The following ZNF469 variants were observed in gnomAD, a reference collection of about 807,000 sequenced individuals.
ZNF469 encodes zinc finger protein 469.
Under a neutral mutation model 1.0 loss-of-function variants are expected in ZNF469, and 1 was observed. The ratio of observed to expected loss-of-function variants is 1.00; its 90% CI spans 0.35 to 4.73. ZNF469 has a LOEUF of 4.73. Ranked by LOEUF, ZNF469 falls within the 30% of genes most tolerant of loss-of-function variation. The probability of loss-of-function intolerance (pLI) is 0.16; values close to 1 mark genes in which losing one functional copy is unlikely to be tolerated. For missense variants in ZNF469, 6,100 were observed against 5,356.3 expected (o/e 1.14, Z -4.33); for synonymous variants, 2,703 against 2,363.4 (o/e 1.14, Z -4.17).
chr16:88,122,948 T>TCCTCCTGCCTCTG, the ZNF469 span, among the ~76,000 whole-genome samples: 34,480 of 151,500 alleles, frequency 0.23, 5,885 homozygotes, highest in African/African-American at 0.48. Context: ...GTTCAAGTGA[T>TCCTCCTGCCTCTG]CCTCCAGAAT....
In ZNF469 at chr16:88,436,508, T is replaced by A; in HGVS notation, c.9038T>A (p.Leu3013His). The change falls in exon 3 of 3, where the codon CTC (leucine) becomes CAC (histidine). Residue 3013 changes from leucine to histidine, a missense_variant. By Grantham distance (99) the Leu-to-His change is moderately conservative. Coordinates refer to ENST00000565624, the MANE Select transcript of ZNF469 (RefSeq NM_001367624.2). ...PAPADDSSSS[L>H]GDVSPEPPSL... Reference sequence around the variant, plus strand: ...CCTGCCGATGACTCCTCCTCTTCTCTCGGAGATGTGAGCCCCGAGCCCCCC... The same window carrying A: ...CCTGCCGATGACTCCTCCTCTTCTCACGGAGATGTGAGCCCCGAGCCCCCC... The A allele has an allele frequency of 6.5e-7, 1 of 1,548,566 alleles. No homozygotes were observed. The highest frequency in any genetic ancestry group is 8.7e-7 in the Non-Finnish European group (1 of 1,146,940).
At chr16:88,200,464 G>A in the ZNF469 span, among the ~76,000 whole-genome samples, 7 of 152,226 alleles carry the variant, frequency 4.6e-5, no homozygotes, top group African/African-American at 1.7e-4. Flanking sequence ...ACAGAAGGCC[G>A]GCAGGGAGCG....
At chr16:88,342,596 G>C in the ZNF469 span, among the ~76,000 whole-genome samples, 7 of 152,138 alleles carry the variant, frequency 4.6e-5, no homozygotes, top group Non-Finnish European at 7.4e-5. Context: ...TCAGCCTCTC[G>C]GACCTCCTGC....
the ZNF469 span, among the ~76,000 whole-genome samples, chr16:88,214,824 G>C: frequency 6.6e-6 from 1 of 152,218 alleles, no homozygotes; most frequent in East Asian, 1.9e-4. Flanking sequence ...CCCTGCAAAG[G>C]ACATGAACTC....
At chr16:88,292,332 C>T in the ZNF469 span, among the ~76,000 whole-genome samples, 2 of 152,140 alleles carry the variant, frequency 1.3e-5, no homozygotes, top group East Asian at 3.9e-4. Flanking sequence ...TGAGCCAAGG[C>T]CACAGGAGCC....
rs1263251481 is a variant in ZNF469 at position 88,427,811 on chromosome 16, G to A, written c.341G>A (p.Gly114Asp). ...APSRLAGRAE[G>D]SPPQRYILGI... ...TCAAGGCTGGCGGGCAGGGCAGAGG[G>A]CAGCCCCCCACAGCGCTACATTCTG... The change falls in exon 3 of 3, where the codon GGC (glycine) becomes GAC (aspartate). Residue 114 changes from glycine (G) to aspartate (D), a missense_variant. Transcript: ENST00000565624. The A allele has an allele frequency of 7.8e-6, 12 of 1,547,976 alleles. No homozygotes were observed. Among genetic ancestry groups the A allele is most frequent in the East Asian group, 2.4e-5 (1 of 40,908 alleles).
the ZNF469 span, among the ~76,000 whole-genome samples, chr16:88,200,978 C>T: frequency 1.3e-5 from 2 of 152,200 alleles, no homozygotes; most frequent in Non-Finnish European, 2.9e-5. Flanking sequence ...TGTGTGTGGG[C>T]GAGAGGGCCG....
the ZNF469 span, among the ~76,000 whole-genome samples, chr16:88,275,924 C>T: frequency 6.6e-6 from 1 of 152,166 alleles, no homozygotes; most frequent in Non-Finnish European, 1.5e-5. Context: ...AAGATGGAGA[C>T]CAAGGGGCTG....
the ZNF469 span, among the ~76,000 whole-genome samples, chr16:88,209,527 G>A: frequency 3.9e-5 from 6 of 152,158 alleles, no homozygotes; most frequent in Non-Finnish European, 7.4e-5. Context: ...TCCTGACCTC[G>A]TGATCCTCCC....
At chr16:88,372,522 C>A in the ZNF469 span, among the ~76,000 whole-genome samples, 31 of 151,940 alleles carry the variant, frequency 2.0e-4, no homozygotes, top group African/African-American at 7.0e-4. Context: ...CCATCACCAT[C>A]ATCACTATCA....
chr16:88,343,290 A>G, the ZNF469 span, among the ~76,000 whole-genome samples: 4 of 152,216 alleles, frequency 2.6e-5, no homozygotes, highest in Admixed American at 2.6e-4. Flanking sequence ...TTAAAATCCC[A>G]AGGATAGAAT....
the ZNF469 span, among the ~76,000 whole-genome samples, chr16:88,274,628 C>G: frequency 6.6e-6 from 1 of 152,194 alleles, no homozygotes; most frequent in East Asian, 1.9e-4. Flanking sequence ...TGCGTGTGCT[C>G]TGTGTGAAAA....
chr16:88,430,069 G>A lies in ZNF469; in HGVS notation c.2599G>A (p.Val867Ile). The part of the protein sequence containing the change: ...NPEIDSSFID[V>I]FADEEPSGPR... ...GGAGATCGACAGCAGCTTCATCGAC[G>A]TCTTCGCGGACGAGGAGCCTTCCGG... Residue 867 changes from valine to isoleucine, a missense_variant, in exon 3 of 3, where the codon GTC becomes ATC. Coordinates refer to ENST00000565624, the MANE Select transcript of ZNF469 (RefSeq NM_001367624.2). The A allele has an allele frequency of 3.9e-6, 6 of 1,550,360 alleles. No homozygotes were observed. The highest frequency in any genetic ancestry group is 5.2e-6 in the Non-Finnish European group (6 of 1,146,966).
At chr16:88,333,060 G>A in the ZNF469 span, among the ~76,000 whole-genome samples, 1 of 152,360 alleles carries the variant, frequency 6.6e-6, no homozygotes, top group East Asian at 1.9e-4. Flanking sequence ...GCTCATTGGT[G>A]ATTTGGCGGT....
the ZNF469 span, among the ~76,000 whole-genome samples, chr16:88,176,003 G>A: frequency 1.1e-3 from 174 of 152,296 alleles, no homozygotes; most frequent in African/African-American, 4.0e-3. Context: ...AACACCAGGT[G>A]GCTAGTGTGT....
the ZNF469 span, among the ~76,000 whole-genome samples, chr16:88,306,414 C>G: frequency 6.6e-6 from 1 of 152,356 alleles, no homozygotes; most frequent in South Asian, 2.1e-4. Flanking sequence ...GTGTGGATAC[C>G]AGGTGGGTTT....
At chr16:88,256,930 CTTTCTTTCTTTCTTTCTTTCTTTTCTTT>C in the ZNF469 span, among the ~76,000 whole-genome samples, 1 of 12,074 alleles carries the variant, frequency 8.3e-5, no homozygotes, top group Non-Finnish European at 2.2e-4. Context: ...TTCTTTCTTT[CTTTCTTTCTTTCTTTCTTTCTTTTCTTT>C]TCTTTCGTTG....
chr16:88,160,805 C>T, the ZNF469 span, among the ~76,000 whole-genome samples: 1 of 152,154 alleles, frequency 6.6e-6, no homozygotes. Flanking sequence ...ACTGAGCCAC[C>T]CAGCCGCCAG....
At chr16:88,203,271 C>T in the ZNF469 span, among the ~76,000 whole-genome samples, 1 of 152,122 alleles carries the variant, frequency 6.6e-6, no homozygotes, top group African/African-American at 2.4e-5. Flanking sequence ...CCAAGACCCG[C>T]GTCTAGGAAG....
Sources: allele counts gnomAD v4.1 joint callset (sites outside exome capture counted in the v4.1 genomes callset), GRCh38; gene constraint gnomAD v4.1.1; transcripts MANE v1.5; gene names NCBI Gene and HGNC (gene_info 2026-07-23, HGNC 2026-07-21).